Variants in TRIP12 observed in about 807,000 individuals in gnomAD.
TRIP12 encodes the protein E3 ubiquitin-protein ligase TRIP12.
In TRIP12, 25 loss-of-function variants were observed where a neutral mutation model predicts 244.2. The ratio of observed to expected loss-of-function variants is 0.10; its 90% CI spans 0.07 to 0.14. The LOEUF is 0.14. Among genes scored for constraint, TRIP12 ranks in the 10% least tolerant of loss-of-function variants. The probability of loss-of-function intolerance (pLI) is 1.00; values close to 1 mark genes in which losing one functional copy is unlikely to be tolerated. For synonymous variants in TRIP12, 905 were observed against 873.1 expected (o/e 1.04, Z -0.64); for missense variants, 1,677 against 2,486.4 (o/e 0.67, Z 6.92).
At chr2:229,871,392 G>A (rs983875034) in intron 2 of TRIP12, among the ~76,000 whole-genome samples, 3 of 152,210 alleles carry the variant, frequency 2.0e-5, no homozygotes, top group Non-Finnish European at 4.4e-5. Context: ...CCTGGTGGGA[G>A]GTGTTTGAAT....
chr2:229,895,279 C>T (rs1387020365), intron 1 of TRIP12, among the ~76,000 whole-genome samples: 1 of 151,868 alleles, frequency 6.6e-6, no homozygotes, highest in Non-Finnish European at 1.5e-5. Context: ...AAGTGGAAGA[C>T]AGAAGGAATT....
At chr2:229,909,385 A>ACC (rs2073786103) in intron 1 of TRIP12, among the ~76,000 whole-genome samples, 1 of 151,280 alleles carries the variant, frequency 6.6e-6, no homozygotes. Context: ...GGCTCCACAC[A>ACC]CACAAAAAAA....
intron 4 of TRIP12, among the ~76,000 whole-genome samples, chr2:229,848,230 G>C (rs756954225): frequency 6.6e-6 from 1 of 152,052 alleles, no homozygotes; most frequent in African/African-American, 2.4e-5. Context: ...TTACACTTGA[G>C]TATGAGGAGA....
intron 15 of TRIP12, among the ~76,000 whole-genome samples, chr2:229,809,272 T>C (rs4316932): frequency 0.058 from 8,832 of 152,204 alleles, 862 homozygotes; most frequent in African/African-American, 0.2. Flanking sequence ...ATAGAGAAGT[T>C]TGAATACATG....
chr2:229,897,934 A>T (rs991891378), intron 1 of TRIP12, among the ~76,000 whole-genome samples: 1 of 152,228 alleles, frequency 6.6e-6, no homozygotes, highest in South Asian at 2.1e-4. Flanking sequence ...TCAAGACTCA[A>T]CAAACAACCT....
At chr2:229,830,972 C>T (rs1167730467) in intron 6 of TRIP12, 133 bp from the exon 7 acceptor site, 2 of 712,612 alleles carry the variant, frequency 2.8e-6, no homozygotes, top group Non-Finnish European at 5.0e-6. Flanking sequence ...CTACTGTACA[C>T]TCAGCTGTTC....
rs1372829607 is a variant in TRIP12 at position 229,795,189 on chromosome 2, T to C, written c.3958A>G (p.Thr1320Ala). 6.2e-7 allele frequency: 1 copy of C among 1,613,868 alleles called. No individual in the cohort carries two copies. The highest frequency in any genetic ancestry group is 1.7e-5 in the Admixed American group (1 of 59,996). ...KVHDFPSGNG[T>A]GGSFSLNRGS... Reference sequence around the variant, plus strand: ...GGCAATGGTCCTTACCTGCCTCCTGTCCCATTTCCACTAGGGAAATCATGT... The same window carrying C: ...GGCAATGGTCCTTACCTGCCTCCTGCCCCATTTCCACTAGGGAAATCATGT... The change falls in exon 26 of 42, where the codon ACA (threonine) becomes GCA (alanine). Residue 1320 changes from threonine (T) to alanine (A), a missense_variant. Physicochemically the swap from Thr to Ala is moderately conservative, Grantham distance 58 (BLOSUM62 0). Coordinates refer to ENST00000675903, the MANE Select transcript of TRIP12 (RefSeq NM_001348323.3).
chr2:229,850,193 T>C (rs924278024), intron 4 of TRIP12, among the ~76,000 whole-genome samples: 3 of 152,236 alleles, frequency 2.0e-5, no homozygotes, highest in Non-Finnish European at 4.4e-5. Flanking sequence ...CATTTATAAT[T>C]TCCAAACAAT....
chr2:229,873,936 T>A (rs2063142333), intron 2 of TRIP12, among the ~76,000 whole-genome samples: 1 of 151,802 alleles, frequency 6.6e-6, no homozygotes, highest in South Asian at 2.1e-4. Flanking sequence ...AACGGGTCCA[T>A]AACAAAGCTG....
chr2:229,799,270 T>A lies in TRIP12; in HGVS notation c.3307+13A>T. 6.2e-7 allele frequency: 1 copy of A among 1,613,066 alleles called. No homozygotes were observed. Among genetic ancestry groups the A allele is most frequent in the Non-Finnish European group, 8.5e-7 (1 of 1,179,006 alleles). On this transcript the variant is annotated intron_variant, in intron 22 of 41. Coordinates refer to ENST00000675903, the MANE Select transcript of TRIP12 (RefSeq NM_001348323.3). Reference sequence around the variant, plus strand: ...TCCCCTTTACCTCCCCATAGTTTCATCAAAGGGGTTACCTTGATTGTCTAC... The same window carrying A: ...TCCCCTTTACCTCCCCATAGTTTCAACAAAGGGGTTACCTTGATTGTCTAC...
chr2:229,840,927 C>T lies in TRIP12; in HGVS notation c.1028G>A (p.Ser343Asn), dbSNP rs2056268812. The stretch of plus-strand genomic sequence containing the variant: ...GCGTTTCTTCGTAGATTTTCTTAAA[C>T]CTATCCACAGAAAATGGAAAAGTGT... ...GPSGLQAKLA[S>N]LRKSTKKRSE... Residue 343 changes from serine to asparagine, a missense_variant and splice_region_variant, in exon 5 of 42, where the codon AGT (serine) becomes AAT (asparagine). Coordinates refer to ENST00000675903, the MANE Select transcript of TRIP12 (RefSeq NM_001348323.3). 1.3e-6 allele frequency: 2 copies of T among 1,583,106 alleles called. No individual in the cohort carries two copies. The highest frequency in any genetic ancestry group is 1.7e-4 in the Middle Eastern group (1 of 5,998).
intron 38 of TRIP12, among the ~76,000 whole-genome samples, chr2:229,773,047 T>G (rs1457821856): frequency 1.3e-5 from 2 of 152,002 alleles, no homozygotes; most frequent in African/African-American, 4.8e-5. Flanking sequence ...ATTTAGCAAA[T>G]ATAGTCAAGC....
chr2:229,830,235 C>A (rs2052974946), intron 7 of TRIP12, among the ~76,000 whole-genome samples: 1 of 152,096 alleles, frequency 6.6e-6, no homozygotes, highest in South Asian at 2.1e-4. Flanking sequence ...AGACAAAAAA[C>A]CATGGCCAAA....
In TRIP12 at chr2:229,814,335, T is replaced by C. The variant is rs376590575; in HGVS notation, c.1732-10A>G. The C allele has an allele frequency of 2.5e-6, 4 of 1,609,816 alleles. No homozygotes were observed. Among genetic ancestry groups the C allele is most frequent in the Non-Finnish European group, 3.4e-6 (4 of 1,177,088 alleles). On this transcript the variant is annotated splice_polypyrimidine_tract_variant and intron_variant, in intron 11 of 41. Coordinates refer to ENST00000675903, the MANE Select transcript of TRIP12 (RefSeq NM_001348323.3). Reference sequence around the variant, plus strand: ...ACTGAATAACTTGCAGCTGGGAACATATATATAGTTACCATAAGGTTATCA... The same window carrying C: ...ACTGAATAACTTGCAGCTGGGAACACATATATAGTTACCATAAGGTTATCA...
intron 1 of TRIP12, among the ~76,000 whole-genome samples, chr2:229,897,583 G>A (rs10167179): frequency 0.017 from 2,542 of 152,318 alleles, 67 homozygotes; most frequent in African/African-American, 0.058. Flanking sequence ...GGAGGCGGAG[G>A]TTGCAGTCAG....
intron 1 of TRIP12, among the ~76,000 whole-genome samples, chr2:229,891,205 G>C (rs1022044274): frequency 1.3e-5 from 2 of 151,970 alleles, no homozygotes; most frequent in Middle Eastern, 3.2e-3. Context: ...AGGATCACTT[G>C]ATCTCAGGAG....
In TRIP12 at chr2:229,859,712, T is replaced by C. The variant is rs1038550484; in HGVS notation, c.225-138A>G. 4 of 954,822 alleles carry C rather than the reference T, an allele frequency of 4.2e-6. No homozygotes were observed. The African/African-American group carries it at 6.6e-5, about 16-fold the overall frequency. The allele number at this position is 954,822 out of a possible 1,614,324, so 59.1% of individuals were successfully genotyped here. On this transcript the variant is annotated intron_variant, in intron 3 of 41. Transcript: ENST00000675903. ...AACATAGGTTTTCAGAAGGTTCAAATCTGTAAAACGAAATAAAAGAACAAA... is the reference window on the plus strand; with the variant it reads ...AACATAGGTTTTCAGAAGGTTCAAACCTGTAAAACGAAATAAAAGAACAAA...
At chr2:229,820,567 T>G (rs1423020984) in intron 8 of TRIP12, among the ~76,000 whole-genome samples, 1 of 152,164 alleles carries the variant, frequency 6.6e-6, no homozygotes, top group Non-Finnish European at 1.5e-5. Flanking sequence ...ATACAAAAAT[T>G]TTAAATATTT....
At chr2:229,843,326 T>C (rs2056915129) in intron 4 of TRIP12, among the ~76,000 whole-genome samples, 1 of 152,188 alleles carries the variant, frequency 6.6e-6, no homozygotes, top group Non-Finnish European at 1.5e-5. Flanking sequence ...CTTGTTACTA[T>C]AATCTTTAAA....
Sources: allele counts gnomAD v4.1 joint callset (sites outside exome capture counted in the v4.1 genomes callset), GRCh38; gene constraint gnomAD v4.1.1; transcripts MANE v1.5; gene names NCBI Gene and HGNC (gene_info 2026-07-23, HGNC 2026-07-21).